ANKS1B: variants seen among roughly 807,000 people sequenced by gnomAD.
The protein encoded by ANKS1B is ankyrin repeat and sterile alpha motif domain containing 1B.
ANKS1B carries 36 observed loss-of-function variants against 148.3 expected under a neutral mutation model. The observed-to-expected ratio is 0.24, with a 90% CI of 0.19 to 0.32. The LOEUF is 0.32. Among genes scored for constraint, ANKS1B ranks in the 10% least tolerant of loss-of-function variants. The pLI, the probability that ANKS1B is intolerant of heterozygous loss-of-function variation, is 1.00. For missense variants in ANKS1B, 1,157 were observed against 1,542.6 expected, an observed-to-expected ratio of 0.75 and a Z score of 4.19; for synonymous variants, 542 against 560.8, an observed-to-expected ratio of 0.97 and a Z score of 0.47.
chr12:99,530,191 T>C (rs2096973427), intron 9 of ANKS1B, among the ~76,000 whole-genome samples: 1 of 151,988 alleles, frequency 6.6e-6, no homozygotes, highest in Non-Finnish European at 1.5e-5. Flanking sequence ...GGCAAAGAGG[T>C]CATGCAAAAG....
At chr12:99,618,237 C>T (rs1567489653) in intron 9 of ANKS1B, among the ~76,000 whole-genome samples, 1 of 152,090 alleles carries the variant, frequency 6.6e-6, no homozygotes, top group African/African-American at 2.4e-5. Context: ...TTTCCATCAC[C>T]TTTAAAAGCT....
intron 17 of ANKS1B, among the ~76,000 whole-genome samples, chr12:98,938,671 T>C (rs1448828530): frequency 2.0e-5 from 3 of 152,232 alleles, no homozygotes; most frequent in Non-Finnish European, 2.9e-5. Flanking sequence ...CAGTTATTTA[T>C]TGAGACCAGA....
chr12:99,712,090 A>C (rs1365319781), intron 8 of ANKS1B, among the ~76,000 whole-genome samples: 1 of 152,244 alleles, frequency 6.6e-6, no homozygotes, highest in Non-Finnish European at 1.5e-5. Flanking sequence ...AAACTAATGC[A>C]AGAACAGAAA....
intron 12 of ANKS1B, among the ~76,000 whole-genome samples, chr12:99,318,450 T>A (rs955175919): frequency 1.3e-5 from 2 of 152,140 alleles, no homozygotes; most frequent in Admixed American, 1.3e-4. Context: ...AGTTTATTTG[T>A]GTAGAGGTGT....
At position 99,806,495 on chromosome 12, in the gene ANKS1B, C is replaced by A. The variant is rs370191542; in HGVS notation, c.578G>T (p.Arg193Leu). ...AGCAAGGTGAAGTGGCGTGTGCTTG[C>A]GAGTGTTGCAGCTCATTAAGTTAGG... is the stretch of plus-strand genomic sequence containing the variant. ...AHPNLMSCNTRKHTPLHLAAR... is the reference protein window; with the variant it reads ...AHPNLMSCNTLKHTPLHLAAR... Residue 193 changes from arginine (R) to leucine (L), a missense_variant, in exon 4 of 27, where the codon CGC (arginine) becomes CTC (leucine). Physicochemically the swap from Arg to Leu is moderately radical, Grantham distance 102. Around this residue, in one of 6 missense-constraint regions of ANKS1B, gnomAD observed 164 missense variants for 232.6 expected, o/e 0.71. Transcript: ENST00000683438. 6.2e-7 allele frequency: 1 copy of A among 1,613,782 alleles called. No homozygotes were observed. Among genetic ancestry groups the A allele is most frequent in the Non-Finnish European group, 8.5e-7 (1 of 1,179,874 alleles).
chr12:99,969,350 A>AT (rs1452208596), intron 1 of ANKS1B, among the ~76,000 whole-genome samples: 3 of 151,820 alleles, frequency 2.0e-5, no homozygotes, highest in Non-Finnish European at 4.4e-5. Flanking sequence ...AGCTATTTTT[A>AT]TTTTTTTATT....
chr12:99,891,632 T>C (rs908188433), intron 1 of ANKS1B, among the ~76,000 whole-genome samples: 16 of 152,228 alleles, frequency 1.1e-4, no homozygotes, highest in African/African-American at 3.6e-4. Context: ...TTAGAATCTT[T>C]GACTATTTTA....
At chr12:99,019,309 T>C (rs556296586) in intron 17 of ANKS1B, among the ~76,000 whole-genome samples, 15 of 152,196 alleles carry the variant, frequency 9.9e-5, no homozygotes, top group Non-Finnish European at 2.1e-4. Context: ...TTAATAAAAT[T>C]GGTAATTGGT....
chr12:99,674,089 A>G (rs2098550723), intron 8 of ANKS1B, among the ~76,000 whole-genome samples: 1 of 151,862 alleles, frequency 6.6e-6, no homozygotes, highest in South Asian at 2.1e-4. Context: ...GGGAAATAAA[A>G]CTAATTATGA....
intron 1 of ANKS1B, among the ~76,000 whole-genome samples, chr12:99,847,451 T>C (rs143816745): frequency 1.7e-3 from 254 of 152,306 alleles, no homozygotes; most frequent in African/African-American, 5.9e-3. Flanking sequence ...ACCTACTGTC[T>C]GATAGTAGGT....
intron 1 of ANKS1B, among the ~76,000 whole-genome samples, chr12:99,946,947 A>G (rs989138727): frequency 6.6e-6 from 1 of 152,138 alleles, no homozygotes; most frequent in Non-Finnish European, 1.5e-5. Flanking sequence ...TTATGTTTTT[A>G]AGACAGCAAG....
intron 1 of ANKS1B, among the ~76,000 whole-genome samples, chr12:99,892,376 T>C (rs1381436673): frequency 2.0e-5 from 3 of 152,048 alleles, no homozygotes; most frequent in Non-Finnish European, 4.4e-5. Context: ...TCTCTCAAAA[T>C]CTACTAAATA....
At chr12:99,965,474 GA>G (rs1478270385) in intron 1 of ANKS1B, among the ~76,000 whole-genome samples, 1 of 152,144 alleles carries the variant, frequency 6.6e-6, no homozygotes, top group East Asian at 1.9e-4. Context: ...ATTAAAGGGG[GA>G]AAAAGGTAAT....
At chr12:99,455,394 C>T (rs1231580059) in intron 10 of ANKS1B, among the ~76,000 whole-genome samples, 2 of 152,138 alleles carry the variant, frequency 1.3e-5, no homozygotes, top group Admixed American at 1.3e-4. Flanking sequence ...ACTTTTGCTC[C>T]AAGAACTACC....
At chr12:99,035,438 G>A (rs2099954916) in intron 17 of ANKS1B, among the ~76,000 whole-genome samples, 1 of 152,104 alleles carries the variant, frequency 6.6e-6, no homozygotes, top group Non-Finnish European at 1.5e-5. Context: ...CAGTCTATTA[G>A]CATTAGATCA....
At chr12:99,649,670 G>A in intron 9 of ANKS1B, 5 of 367,690 alleles carry the variant, frequency 1.4e-5, no homozygotes, top group Non-Finnish European at 2.5e-5. Context: ...GTTATAGCAA[G>A]GGCTGCATGC....
At chr12:99,008,637 AT>A (rs2099937547) in intron 17 of ANKS1B, among the ~76,000 whole-genome samples, 1 of 152,152 alleles carries the variant, frequency 6.6e-6, no homozygotes, top group South Asian at 2.1e-4. Flanking sequence ...TGAAGGCTTG[AT>A]TACTGGTCCA....
At chr12:99,793,657 T>C (rs1379519266) in intron 4 of ANKS1B, among the ~76,000 whole-genome samples, 2 of 151,968 alleles carry the variant, frequency 1.3e-5, no homozygotes, top group African/African-American at 4.8e-5. Flanking sequence ...TCTCACAATA[T>C]ACAAAAATCA....
chr12:99,441,069 ATAT>A (rs773032927), intron 11 of ANKS1B, among the ~76,000 whole-genome samples: 9 of 151,916 alleles, frequency 5.9e-5, no homozygotes, highest in Admixed American at 3.9e-4. Flanking sequence ...CATTTCAATC[ATAT>A]TATTAATTTT....
Sources: gnomAD v4.1 joint callset for allele counts (sites outside exome capture counted in the v4.1 genomes callset) on GRCh38, gnomAD v4.1.1 for gene constraint, gnomAD v4.1.1 regional missense constraint, MANE v1.5 for transcripts, NCBI Gene and HGNC (gene_info 2026-07-23, HGNC 2026-07-21) for gene names.